FOXN3: variants seen among roughly 807,000 people sequenced by gnomAD.
The protein encoded by FOXN3 is forkhead box N3, also known as forkhead box protein N3.
FOXN3 carries 7 observed loss-of-function variants against 38.4 expected under a neutral mutation model. The ratio of observed to expected loss-of-function variants is 0.18; its 90% CI spans 0.10 to 0.34. FOXN3 has a LOEUF of 0.34. FOXN3 is among the 10% of genes least tolerant of loss of function. The pLI is 1.00. For missense variants in FOXN3, 456 were observed against 613.4 expected, an observed-to-expected ratio of 0.74 and a Z score of 2.71; for synonymous variants, 230 against 242.2, an observed-to-expected ratio of 0.95 and a Z score of 0.47.
At chr14:89,457,444 G>C (rs147565016) in intron 1 of FOXN3, among the ~76,000 whole-genome samples, 13 of 152,308 alleles carry the variant, frequency 8.5e-5, no homozygotes, top group African/African-American at 3.1e-4. Context: ...CTAATGCTTA[G>C]GGACAAATCC....
intron 1 of FOXN3, among the ~76,000 whole-genome samples, chr14:89,556,427 A>G (rs1342278192): frequency 6.6e-6 from 1 of 151,822 alleles, no homozygotes; most frequent in African/African-American, 2.4e-5. Flanking sequence ...AAAGACAAGA[A>G]TCAGACTCAC....
At chr14:89,338,379 A>T (rs921433714) in intron 3 of FOXN3, among the ~76,000 whole-genome samples, 2 of 152,260 alleles carry the variant, frequency 1.3e-5, no homozygotes, top group African/African-American at 4.8e-5. Flanking sequence ...TGAAGTTTAT[A>T]GCACCAGGAG....
Position 89,553,641 on chromosome 14 carries a change from G to A in FOXN3, c.-15+65387C>T, listed in dbSNP as rs60512449. 4.9e-3 allele frequency among the ~76,000 whole-genome samples: 751 copies of A among 152,080 alleles called. 7 individuals carry two copies. Among genetic ancestry groups the A allele is most frequent in the African/African-American group, 0.017 (691 of 41,494 alleles). Reference sequence around the variant, plus strand: ...AATTACCCTGGAGATGAATTCCCCCGGCAGCCCCACAAGTCTTTCCAGCCA... The same window carrying A: ...AATTACCCTGGAGATGAATTCCCCCAGCAGCCCCACAAGTCTTTCCAGCCA... On this transcript the variant is annotated intron_variant, in intron 1 of 6. Transcript: ENST00000345097.
intron 3 of FOXN3, among the ~76,000 whole-genome samples, chr14:89,288,263 C>G (rs547933897): frequency 6.6e-6 from 1 of 152,154 alleles, no homozygotes; most frequent in Non-Finnish European, 1.5e-5. Context: ...GAGTGTGTGG[C>G]AAGATTACTC....
At chr14:89,364,969 C>A (rs957083247) in intron 2 of FOXN3, among the ~76,000 whole-genome samples, 3 of 152,204 alleles carry the variant, frequency 2.0e-5, no homozygotes, top group African/African-American at 7.2e-5. Flanking sequence ...AATCAATAAT[C>A]TGCTTGCATC....
chr14:89,564,607 T>G (rs1017067627), intron 1 of FOXN3, among the ~76,000 whole-genome samples: 15 of 152,126 alleles, frequency 9.9e-5, no homozygotes. Flanking sequence ...CCAAAAACCC[T>G]CTATGGAAAA....
chr14:89,604,618 G>A (rs1300690509), intron 1 of FOXN3, among the ~76,000 whole-genome samples: 1 of 152,164 alleles, frequency 6.6e-6, no homozygotes, highest in Non-Finnish European at 1.5e-5. Flanking sequence ...TACAGAGCAG[G>A]AATAGCAGCC....
intron 2 of FOXN3, among the ~76,000 whole-genome samples, chr14:89,407,056 T>C (rs2140093019): frequency 1.3e-5 from 2 of 150,654 alleles, no homozygotes; most frequent in Middle Eastern, 3.5e-3. Flanking sequence ...AGTGACCTCA[T>C]GTGAACCCAT....
Position 89,261,705 on chromosome 14 carries a change from G to A in FOXN3, c.745+19245C>T, listed in dbSNP as rs537444978. Among the ~76,000 whole-genome samples the A allele has an allele frequency of 2.8e-3, 431 of 152,208 alleles. 1 individual carries two copies. The highest frequency in any genetic ancestry group is 3.4e-3 in the Non-Finnish European group (231 of 67,994). On this transcript the variant is annotated intron_variant, in intron 4 of 5. Coordinates refer to ENST00000557258, the MANE Select transcript of FOXN3 (RefSeq NM_005197.4). Reference sequence around the variant, plus strand: ...AGCACTTTGGGAGGCTGAGGCGGGCGGATCACGAGGTCAGGAGATCGAGAC... The same window carrying A: ...AGCACTTTGGGAGGCTGAGGCGGGCAGATCACGAGGTCAGGAGATCGAGAC...
At chr14:89,618,369 T>C (rs1896531983) in intron 1 of FOXN3, among the ~76,000 whole-genome samples, 1 of 152,182 alleles carries the variant, frequency 6.6e-6, no homozygotes. Context: ...TCTTCAGCCT[T>C]CCCAGCCGGC....
chr14:89,377,102 G>A (rs1445967159), intron 2 of FOXN3, among the ~76,000 whole-genome samples: 1 of 141,114 alleles, frequency 7.1e-6, no homozygotes, highest in Non-Finnish European at 1.5e-5. Flanking sequence ...GGGACACAAG[G>A]CAAGGTGAAA....
At chr14:89,336,258 C>G (rs1035591928) in intron 3 of FOXN3, among the ~76,000 whole-genome samples, 3 of 139,136 alleles carry the variant, frequency 2.2e-5, no homozygotes, top group Admixed American at 7.5e-5. Context: ...ATTCATCCAT[C>G]CACACAGAAT....
At chr14:89,476,461 A>C (rs1469315839) in intron 1 of FOXN3, among the ~76,000 whole-genome samples, 1 of 152,208 alleles carries the variant, frequency 6.6e-6, no homozygotes, top group East Asian at 1.9e-4. Context: ...CTATGTTGAC[A>C]CCACCACTGA....
intron 1 of FOXN3, among the ~76,000 whole-genome samples, chr14:89,463,273 C>CAA (rs112265879): frequency 2.3e-3 from 333 of 144,390 alleles, no homozygotes; most frequent in Admixed American, 5.4e-3. Flanking sequence ...GGCTCTGTCT[C>CAA]AAAAAAAAAA....
chr14:89,294,054 C>T (rs1886960728), intron 3 of FOXN3, among the ~76,000 whole-genome samples: 1 of 148,396 alleles, frequency 6.7e-6, no homozygotes, highest in African/African-American at 2.6e-5. Context: ...CAGCTACGTC[C>T]CTGCCTCCAG....
At chr14:89,224,498 C>A (rs1048713673) in intron 4 of FOXN3, among the ~76,000 whole-genome samples, 2 of 152,160 alleles carry the variant, frequency 1.3e-5, no homozygotes, top group South Asian at 4.1e-4. Flanking sequence ...TGCTTTGGAA[C>A]CCTACCTTGC....
intron 4 of FOXN3, among the ~76,000 whole-genome samples, chr14:89,216,818 A>T (rs1884298261): frequency 6.6e-6 from 1 of 152,132 alleles, no homozygotes; most frequent in African/African-American, 2.4e-5. Flanking sequence ...CACCTTCCAC[A>T]ATCCACAATC....
chr14:89,393,123 T>C (rs1010155886), intron 2 of FOXN3, among the ~76,000 whole-genome samples: 2 of 151,934 alleles, frequency 1.3e-5, no homozygotes, highest in Non-Finnish European at 2.9e-5. Flanking sequence ...GTATTTTTAG[T>C]AGAGATGGGG....
intron 2 of FOXN3, among the ~76,000 whole-genome samples, chr14:89,358,076 T>C (rs1889307690): frequency 6.6e-6 from 1 of 152,220 alleles, no homozygotes; most frequent in Admixed American, 6.5e-5. Flanking sequence ...CTCTAATGCA[T>C]GGCCAGGTCC....
Sources: gnomAD v4.1 joint callset for allele counts (sites outside exome capture counted in the v4.1 genomes callset) on GRCh38, gnomAD v4.1.1 for gene constraint, MANE v1.5 for transcripts, NCBI Gene and HGNC (gene_info 2026-07-23, HGNC 2026-07-21) for gene names.